Variants in GAD2 observed in about 807,000 individuals in gnomAD.
GAD2 encodes the protein 65 kDa glutamic acid decarboxylase.
In GAD2, 22 loss-of-function variants were observed where a neutral mutation model predicts 80.1. That is an observed-to-expected ratio of 0.27 (90% CI 0.20 to 0.39). The LOEUF is 0.39. GAD2 is among the 10% of genes least tolerant of loss of function. The probability of loss-of-function intolerance (pLI) is 1.00; values close to 1 mark genes in which losing one functional copy is unlikely to be tolerated. For synonymous variants in GAD2, 274 were observed against 256.9 expected, an observed-to-expected ratio of 1.07 and a Z score of -0.64; for missense variants, 624 against 738.4, an observed-to-expected ratio of 0.85 and a Z score of 1.80.
intron 7 of GAD2, among the ~76,000 whole-genome samples, chr10:26,236,915 A>C (rs1844679110): frequency 1.3e-5 from 2 of 152,182 alleles, no homozygotes; most frequent in Non-Finnish European, 2.9e-5. Flanking sequence ...CCTCTCAGGA[A>C]AGAACCTGAA....
chr10:26,266,996 C>T (rs984025901), intron 8 of GAD2, among the ~76,000 whole-genome samples: 4 of 152,170 alleles, frequency 2.6e-5, no homozygotes, highest in Admixed American at 1.3e-4. Context: ...TGAGAAGGTT[C>T]GACTAGAATC....
chr10:26,279,858 G>C (rs2132311338), intron 11 of GAD2, among the ~76,000 whole-genome samples: 1 of 152,332 alleles, frequency 6.6e-6, no homozygotes, highest in South Asian at 2.1e-4. Flanking sequence ...AATAACTCTG[G>C]ATTAGGAAAC....
intron 13 of GAD2, among the ~76,000 whole-genome samples, chr10:26,290,278 C>T (rs1044185345): frequency 7.2e-5 from 11 of 152,166 alleles, no homozygotes; most frequent in South Asian, 4.1e-4. Flanking sequence ...AGAAATCCAT[C>T]ATAAAAGACA....
Position 26,245,983 on chromosome 10 carries a change from G to T in GAD2, c.903G>T (p.Leu301=). 2 of 1,614,054 alleles carry T rather than the reference G, an allele frequency of 1.2e-6. No homozygotes were observed. Among genetic ancestry groups the T allele is most frequent in the Non-Finnish European group, 1.7e-6 (2 of 1,179,920 alleles). Residue 301 remains leucine (L), a synonymous_variant, in exon 8 of 16, where the codon CTG becomes CTT. Coordinates refer to ENST00000376261, the MANE Select transcript of GAD2 (RefSeq NM_001134366.2). ...GGATTGGAACAGACAGCGTGATTCT[G>T]ATTAAATGTGATGAGAGGTGAGCAC... ...ALGIGTDSVI[L]IKCDERGKMI...
intron 8 of GAD2, among the ~76,000 whole-genome samples, chr10:26,268,753 T>G (rs1845100450): frequency 6.6e-6 from 1 of 152,202 alleles, no homozygotes; most frequent in Admixed American, 6.5e-5. Flanking sequence ...TTCAAAGGTT[T>G]GGAATAAAAA....
intron 5 of GAD2, 54 bp downstream of exon 5, chr10:26,224,031 C>A: frequency 1.6e-6 from 2 of 1,255,624 alleles, no homozygotes; most frequent in Non-Finnish European, 1.2e-6. Context: ...AGTGACATTC[C>A]ATAGTCTTTA....
intron 15 of GAD2, among the ~76,000 whole-genome samples, chr10:26,297,305 A>C (rs1474466732): frequency 6.6e-6 from 1 of 152,250 alleles, no homozygotes; most frequent in East Asian, 1.9e-4. Context: ...AAATGTAAAA[A>C]CAAAGAGGTT....
intron 7 of GAD2, among the ~76,000 whole-genome samples, chr10:26,242,684 G>A (rs1009135095): frequency 2.0e-5 from 3 of 152,044 alleles, no homozygotes; most frequent in African/African-American, 7.2e-5. Flanking sequence ...TTTGTTCCCT[G>A]TCTTTAAGCT....
intron 8 of GAD2, among the ~76,000 whole-genome samples, chr10:26,261,749 T>TTCTTC (rs1355661103): frequency 6.6e-6 from 1 of 152,172 alleles, no homozygotes; most frequent in Non-Finnish European, 1.5e-5. Flanking sequence ...ATTCTTTTGT[T>TTCTTC]TCTTCTCTTC....
intron 8 of GAD2, among the ~76,000 whole-genome samples, chr10:26,260,064 A>T (rs1844991053): frequency 6.6e-6 from 1 of 152,226 alleles, no homozygotes; most frequent in South Asian, 2.1e-4. Context: ...CATAAAAGAC[A>T]TATAAGTATT....
intron 8 of GAD2, among the ~76,000 whole-genome samples, chr10:26,256,323 A>T (rs1356574743): frequency 2.0e-5 from 3 of 152,008 alleles, no homozygotes; most frequent in African/African-American, 7.2e-5. Context: ...TTAATATCTC[A>T]ATGTATGTTT....
chr10:26,218,904 G>C (rs777416845), intron 3 of GAD2, 139 bp from the exon 4 acceptor site: 1 of 574,060 alleles, frequency 1.7e-6, no homozygotes, highest in Non-Finnish European at 2.8e-6. Context: ...CCCTTTTAAA[G>C]AAAAATGTTC....
chr10:26,255,561 G>A (rs988528865), intron 8 of GAD2, among the ~76,000 whole-genome samples: 27 of 151,232 alleles, frequency 1.8e-4, no homozygotes, highest in African/African-American at 6.6e-4. Flanking sequence ...TTCGCTATGA[G>A]GTGGAGGACC....
intron 4 of GAD2, among the ~76,000 whole-genome samples, chr10:26,219,553 A>G (rs1844427934): frequency 6.6e-6 from 1 of 152,210 alleles, no homozygotes; most frequent in African/African-American, 2.4e-5. Context: ...AGGTTATACC[A>G]CTGGTATAGA....
upstream of GAD2, chr10:26,216,667 C>A (rs979721237): frequency 1.5e-5 from 8 of 520,606 alleles, no homozygotes; most frequent in East Asian, 7.3e-5. This position sits in a 1 kb window ranked among gnomAD's most constrained non-coding sequence, Gnocchi z 4.7. Context: ...TGCGTGACAC[C>A]CGCCCTCGCC....
intron 4 of GAD2, among the ~76,000 whole-genome samples, chr10:26,222,830 T>G (rs1844469979): frequency 6.6e-6 from 1 of 152,254 alleles, no homozygotes; most frequent in East Asian, 1.9e-4. Context: ...TATCTTGTTT[T>G]GCCTGTGCTG....
chr10:26,280,443 A>G (rs1282198249), intron 11 of GAD2, among the ~76,000 whole-genome samples: 1 of 152,108 alleles, frequency 6.6e-6, no homozygotes, highest in Non-Finnish European at 1.5e-5. Context: ...AGGAAGGACA[A>G]CTCGAACTGG....
intron 10 of GAD2, among the ~76,000 whole-genome samples, chr10:26,272,702 A>G (rs1237527980): frequency 2.0e-5 from 3 of 152,144 alleles, no homozygotes; most frequent in East Asian, 1.9e-4. Context: ...CGTCTCTACT[A>G]AAAATACAAA....
intron 7 of GAD2, among the ~76,000 whole-genome samples, chr10:26,231,045 G>T (rs1442935693): frequency 6.6e-6 from 1 of 152,056 alleles, no homozygotes; most frequent in African/African-American, 2.4e-5. Context: ...AGAAGAGATC[G>T]CATCACTGCA....
Sources: gnomAD v4.1 joint callset for allele counts (sites outside exome capture counted in the v4.1 genomes callset) on GRCh38, gnomAD v4.1.1 for gene constraint, Gnocchi (gnomAD v3.1) non-coding constraint, MANE v1.5 for transcripts, NCBI Gene and HGNC (gene_info 2026-07-23, HGNC 2026-07-21) for gene names.